The following CNTNAP2 variants were observed in gnomAD, a reference collection of about 807,000 sequenced individuals.
CNTNAP2 encodes contactin associated protein 2.
In CNTNAP2, 98 loss-of-function variants were observed where a neutral mutation model predicts 155.2. That is an observed-to-expected ratio of 0.63 (90% CI 0.54 to 0.75). The LOEUF (loss-of-function observed/expected upper bound fraction) is 0.75. CNTNAP2 is among the 30% of genes least tolerant of loss of function. The pLI is 0.00. For missense variants in CNTNAP2, 1,727 were observed against 1,688.1 expected, an observed-to-expected ratio of 1.02 and a Z score of -0.40; for synonymous variants, 651 against 631.2, an observed-to-expected ratio of 1.03 and a Z score of -0.47.
At chr7:147,740,871 G>A (rs1796944965) in intron 13 of CNTNAP2, among the ~76,000 whole-genome samples, 1 of 152,162 alleles carries the variant, frequency 6.6e-6, no homozygotes, top group African/African-American at 2.4e-5. Flanking sequence ...CAAGAGGGAG[G>A]GCCCAGGCAG....
chr7:146,147,360 T>A (rs1031613024), intron 1 of CNTNAP2, among the ~76,000 whole-genome samples: 5 of 152,084 alleles, frequency 3.3e-5, no homozygotes, highest in African/African-American at 1.2e-4. Context: ...TTGGAGGAGA[T>A]TCATAGTAAC....
chr7:146,937,399 A>G (rs1796941297), intron 3 of CNTNAP2, among the ~76,000 whole-genome samples: 1 of 151,240 alleles, frequency 6.6e-6, no homozygotes, highest in East Asian at 1.9e-4. Flanking sequence ...AAAAGCGAAA[A>G]CCGACTGTTA....
chr7:147,982,901 C>T (rs534072951), intron 15 of CNTNAP2, among the ~76,000 whole-genome samples: 15 of 151,660 alleles, frequency 9.9e-5, no homozygotes, highest in Middle Eastern at 3.4e-3. Context: ...GCCTGTAATC[C>T]CAGCTACTCA....
chr7:146,125,115 G>A (rs1169769389), intron 1 of CNTNAP2, among the ~76,000 whole-genome samples: 1 of 152,106 alleles, frequency 6.6e-6, no homozygotes, highest in Non-Finnish European at 1.5e-5. Context: ...TGGCAGTAAT[G>A]AAATTTCCAA....
chr7:146,925,438 G>A (rs1052754418), intron 3 of CNTNAP2, among the ~76,000 whole-genome samples: 3 of 152,000 alleles, frequency 2.0e-5, no homozygotes, highest in Admixed American at 1.3e-4. Context: ...AGAGCAAGGT[G>A]ACAAAAATGT....
At chr7:146,890,600 T>C (rs1436327062) in intron 3 of CNTNAP2, among the ~76,000 whole-genome samples, 3 of 152,218 alleles carry the variant, frequency 2.0e-5, no homozygotes, top group African/African-American at 7.2e-5. Context: ...GTATAGCTTC[T>C]CATCATCATT....
At position 147,090,353 on chromosome 7, in the gene CNTNAP2, T is replaced by TGTGTG. The variant is rs760274084; in HGVS notation, c.551-17794_551-17793insGTGTG. Among the ~76,000 whole-genome samples, 12 of 133,570 alleles carry TGTGTG rather than the reference T, an allele frequency of 9.0e-5. No individual in the cohort carries two copies. In the South Asian group the frequency reaches 1.5e-3, roughly 17 times the overall value. The allele number at this position is 133,570 out of a possible 152,430, so 87.6% of individuals were successfully genotyped here. On this transcript the variant is annotated intron_variant, in intron 4 of 23. Transcript: ENST00000361727. ...TGTGTGTGTGTGTGTGTGTGTGTGT[T>TGTGTG]ACAATTCTCTGGTATTTACAACAAG...
chr7:147,183,796 T>C (rs1278721442), intron 8 of CNTNAP2, among the ~76,000 whole-genome samples: 1 of 152,176 alleles, frequency 6.6e-6, no homozygotes, highest in Admixed American at 6.5e-5. Context: ...CTACCTGAGC[T>C]GCAGGAGGGG....
intron 1 of CNTNAP2, among the ~76,000 whole-genome samples, chr7:146,629,148 G>A (rs1404467224): frequency 1.3e-5 from 2 of 152,092 alleles, no homozygotes; most frequent in Non-Finnish European, 2.9e-5. Flanking sequence ...CATGCTGAAT[G>A]TCATATGCTC....
At chr7:146,669,614 T>G (rs1416561029) in intron 1 of CNTNAP2, among the ~76,000 whole-genome samples, 3 of 152,144 alleles carry the variant, frequency 2.0e-5, no homozygotes, top group Non-Finnish European at 2.9e-5. Flanking sequence ...GTAATTTTGG[T>G]TTTTGAACAT....
chr7:147,443,059 G>A (rs1797670978), intron 10 of CNTNAP2, among the ~76,000 whole-genome samples: 1 of 152,100 alleles, frequency 6.6e-6, no homozygotes, highest in African/African-American at 2.4e-5. Context: ...CCAGTCAGCT[G>A]GGTTTGGGCC....
intron 15 of CNTNAP2, among the ~76,000 whole-genome samples, chr7:148,012,852 A>G (rs192819093): frequency 6.6e-6 from 1 of 152,192 alleles, no homozygotes; most frequent in African/African-American, 2.4e-5. Flanking sequence ...ATACCCTGGC[A>G]TGTATTGTGT....
At chr7:147,329,787 T>C (rs1283551415) in intron 9 of CNTNAP2, among the ~76,000 whole-genome samples, 1 of 152,144 alleles carries the variant, frequency 6.6e-6, no homozygotes, top group Non-Finnish European at 1.5e-5. Context: ...ATTTATGCTT[T>C]ACATCTTCCT....
chr7:146,742,619 C>A lies in CNTNAP2; in HGVS notation c.98-31652C>A, dbSNP rs74775100. On this transcript the variant is annotated intron_variant, in intron 1 of 23. Coordinates refer to ENST00000361727, the MANE Select transcript of CNTNAP2 (RefSeq NM_014141.6). The stretch of plus-strand genomic sequence containing the variant: ...CAGAGAGAGAAATCAGAAGGCTGTA[C>A]AATAGGATAAGTATGAATTGATTTC... Among the ~76,000 whole-genome samples, 104 of 151,868 alleles carry A rather than the reference C, an allele frequency of 6.8e-4. 2 individuals are homozygous for A. The East Asian group carries it at 0.015, about 22-fold the overall frequency.
intron 1 of CNTNAP2, among the ~76,000 whole-genome samples, chr7:146,531,354 T>G (rs1797766947): frequency 6.6e-6 from 1 of 152,126 alleles, no homozygotes; most frequent in Non-Finnish European, 1.5e-5. Flanking sequence ...AACCTGTACA[T>G]GTTCCCCTGA....
chr7:146,210,115 C>T (rs1333166948), intron 1 of CNTNAP2, among the ~76,000 whole-genome samples: 2 of 152,066 alleles, frequency 1.3e-5, no homozygotes, highest in Non-Finnish European at 2.9e-5. Flanking sequence ...TTGAGTAACT[C>T]TGGACAAAAA....
intron 20 of CNTNAP2, among the ~76,000 whole-genome samples, chr7:148,230,355 C>A (rs1172164286): frequency 6.6e-6 from 1 of 152,190 alleles, no homozygotes; most frequent in African/African-American, 2.4e-5. Context: ...CCCCGGCCCT[C>A]ACCACTGATT....
At chr7:146,756,422 A>C (rs2129183288) in intron 1 of CNTNAP2, among the ~76,000 whole-genome samples, 1 of 152,150 alleles carries the variant, frequency 6.6e-6, no homozygotes, top group South Asian at 2.1e-4. Flanking sequence ...TACTATAAGT[A>C]CCCATATCAC....
At chr7:147,468,198 G>A (rs1352053515) in intron 10 of CNTNAP2, among the ~76,000 whole-genome samples, 2 of 152,134 alleles carry the variant, frequency 1.3e-5, no homozygotes, top group Non-Finnish European at 2.9e-5. Context: ...GGCTGAGGCA[G>A]GATTGCTTGA....
Sources: allele counts gnomAD v4.1 joint callset (sites outside exome capture counted in the v4.1 genomes callset), GRCh38; gene constraint gnomAD v4.1.1; transcripts MANE v1.5; gene names NCBI Gene and HGNC (gene_info 2026-07-23, HGNC 2026-07-21).